TVP23B: variants seen among roughly 807,000 people sequenced by gnomAD.
TVP23B encodes the protein trans-golgi network vesicle protein 23 homolog B.
A neutral mutation model predicts 30.6 loss-of-function variants in TVP23B; 10 were observed. That is an observed-to-expected ratio of 0.33 (90% CI 0.20 to 0.55). TVP23B has a LOEUF of 0.55. Ranked by LOEUF, TVP23B falls within the 20% of genes least tolerant of loss-of-function variation. TVP23B has a pLI of 0.91. For synonymous variants in TVP23B, 67 were observed against 83.1 expected (o/e 0.81, Z 1.06); for missense variants, 153 against 243.2 (o/e 0.63, Z 2.47).
chr17:18,782,050 T>TA (rs1416544563), intron 1 of TVP23B: 2 of 151,886 alleles, frequency 1.3e-5, no homozygotes, highest in Non-Finnish European at 2.9e-5. Context: ...TATTTTCAGA[T>TA]AATTGCAAAG....
At chr17:18,796,470 G>T (rs1278665721) in intron 3 of TVP23B, 2 of 152,264 alleles carry the variant, frequency 1.3e-5, no homozygotes, top group African/African-American at 4.8e-5. Context: ...TTGAACCCGG[G>T]AGGCAGAGGT....
chr17:18,793,473 G>A (rs2036028363), intron 3 of TVP23B, among the ~76,000 whole-genome samples: 1 of 150,884 alleles, frequency 6.6e-6, no homozygotes, highest in Non-Finnish European at 1.5e-5. Context: ...AAATGAGCCG[G>A]GCGTGGTGGC....
chr17:18,799,360 G>A lies in TVP23B; in HGVS notation c.462+417G>A, dbSNP rs1947127771. ...CAGTAGTTGGAATGATGGGGGTTGT[G>A]AGCCATCTCCTCTTCATGAGGTCCC... On this transcript the variant is annotated intron_variant, in intron 5 of 6. Transcript: ENST00000307767. 5.9e-5 allele frequency among the ~76,000 whole-genome samples: 9 copies of A among 151,514 alleles called. No individual in the cohort carries two copies. In the Admixed American group the frequency reaches 5.9e-4, roughly 10 times the overall value.
intron 3 of TVP23B, 146 bp downstream of exon 3, chr17:18,791,186 AGTTT>A (rs2035987392): frequency 2.4e-4 from 28 of 114,592 alleles, no homozygotes; most frequent in East Asian, 5.0e-4. Flanking sequence ...AATTGCATGT[AGTTT>A]TTTTTTTTTT....
chr17:18,789,575 G>A (rs1032457526), intron 2 of TVP23B, 140 bp downstream of exon 2: 85 of 1,113,950 alleles, frequency 7.6e-5, no homozygotes, highest in Non-Finnish European at 1.0e-4. Flanking sequence ...GACGTTTAGT[G>A]TACGACAAAG....
intron 1 of TVP23B, among the ~76,000 whole-genome samples, chr17:18,786,562 G>A (rs140407333): frequency 2.6e-5 from 4 of 152,298 alleles, no homozygotes; most frequent in East Asian, 3.9e-4. Context: ...ATCATACGGT[G>A]GATCTCAATC....
chr17:18,792,398 G>A (rs956219576), intron 3 of TVP23B, among the ~76,000 whole-genome samples: 5 of 152,162 alleles, frequency 3.3e-5, no homozygotes, highest in East Asian at 1.9e-4. Flanking sequence ...TCCATAGGCC[G>A]CATAATGCTG....
At chr17:18,785,172 CTCTT>C (rs1367839332) in intron 1 of TVP23B, among the ~76,000 whole-genome samples, 7 of 152,272 alleles carry the variant, frequency 4.6e-5, no homozygotes, top group East Asian at 3.9e-4. Flanking sequence ...AGCCAGAATT[CTCTT>C]TCTAACAGGT....
intron 1 of TVP23B, 45 bp downstream of exon 1, chr17:18,781,350 T>C: frequency 6.4e-7 from 1 of 1,564,532 alleles, no homozygotes; most frequent in Non-Finnish European, 8.7e-7. Context: ...CTCCTGGGAC[T>C]GGCTCTGCAG....
chr17:18,783,075 C>CTATTTATTTATTTATTTATTTCTT (rs201067902), intron 1 of TVP23B, among the ~76,000 whole-genome samples: 1 of 77,258 alleles, frequency 1.3e-5, no homozygotes, highest in Non-Finnish European at 3.1e-5. Context: ...ACTGTTCCCA[C>CTATTTATTTATTTATTTATTTCTT]TATTTATTTA....
chr17:18,791,186 A>ATTTTTTTT, intron 3 of TVP23B, 146 bp downstream of exon 3: 2 of 114,562 alleles, frequency 1.7e-5, no homozygotes, highest in Non-Finnish European at 1.4e-5. Flanking sequence ...AATTGCATGT[A>ATTTTTTTT]GTTTTTTTTT....
chr17:18,801,558 C>T (rs1295851931), intron 5 of TVP23B, among the ~76,000 whole-genome samples: 5 of 152,084 alleles, frequency 3.3e-5, no homozygotes, highest in Admixed American at 2.6e-4. Context: ...TTGCCAGGCT[C>T]TTGCTCTCTT....
intron 3 of TVP23B, among the ~76,000 whole-genome samples, chr17:18,795,254 A>T (rs2036060680): frequency 6.6e-6 from 1 of 151,874 alleles, no homozygotes; most frequent in African/African-American, 2.4e-5. Flanking sequence ...CTTGAACCCA[A>T]GTGAGCCACC....
chr17:18,797,441 A>C, intron 3 of TVP23B, 138 bp from the exon 4 acceptor site: 1 of 1,439,772 alleles, frequency 6.9e-7, no homozygotes, highest in Non-Finnish European at 9.3e-7. Flanking sequence ...CCTGATACAT[A>C]GTAGTCTTTG....
intron 5 of TVP23B, among the ~76,000 whole-genome samples, chr17:18,800,904 A>G (rs58736679): frequency 0.22 from 32,980 of 151,800 alleles, 3,691 homozygotes; most frequent in East Asian, 0.54. Context: ...TTTATTCAGC[A>G]ATTTTAAGAG....
At chr17:18,794,817 G>T (rs985331989) in intron 3 of TVP23B, among the ~76,000 whole-genome samples, 1 of 149,620 alleles carries the variant, frequency 6.7e-6, no homozygotes, top group South Asian at 2.1e-4. Flanking sequence ...AGGAATTTTG[G>T]TCTCATAAGA....
intron 1 of TVP23B, among the ~76,000 whole-genome samples, chr17:18,787,105 A>G (rs2035918941): frequency 6.6e-6 from 1 of 151,750 alleles, no homozygotes; most frequent in Non-Finnish European, 1.5e-5. Flanking sequence ...CAATGCAAAG[A>G]CAGTCTTGGT....
chr17:18,804,289 C>T (rs1262487247), intron 6 of TVP23B, 23 bp downstream of exon 6: 1 of 1,590,108 alleles, frequency 6.3e-7, no homozygotes, highest in Admixed American at 1.7e-5. Flanking sequence ...TGGATGTGAT[C>T]AGTGACTAAT....
chr17:18,783,341 G>A (rs1309151229), intron 1 of TVP23B, among the ~76,000 whole-genome samples: 2 of 152,084 alleles, frequency 1.3e-5, no homozygotes, highest in Non-Finnish European at 2.9e-5. Flanking sequence ...CCTGACCTCA[G>A]GTGATCCACC....
Sources: allele counts gnomAD v4.1 joint callset (sites outside exome capture counted in the v4.1 genomes callset), GRCh38; gene constraint gnomAD v4.1.1; transcripts MANE v1.5; gene names NCBI Gene and HGNC (gene_info 2026-07-23, HGNC 2026-07-21).